DLG3: variants seen among roughly 807,000 people sequenced by gnomAD.
The protein encoded by DLG3 is discs large MAGUK scaffold protein 3.
A neutral mutation model predicts 64.1 loss-of-function variants in DLG3; 1 was observed. The ratio of observed to expected loss-of-function variants is 0.02; its 90% CI spans 0.01 to 0.07. The LOEUF is 0.07. DLG3 is among the 10% of genes least tolerant of loss of function. The probability of loss-of-function intolerance (pLI) is 1.00; values close to 1 mark genes in which losing one functional copy is unlikely to be tolerated. For missense variants in DLG3, 429 were observed against 669.5 expected, an observed-to-expected ratio of 0.64 and a Z score of 3.96; for synonymous variants, 245 against 259.8, an observed-to-expected ratio of 0.94 and a Z score of 0.55.
chrX:70,490,897 A>G (rs1219308532), intron 10 of DLG3, among the ~76,000 whole-genome samples: 1 of 111,521 alleles, frequency 9.0e-6, no homozygotes, highest in Non-Finnish European at 1.9e-5. Flanking sequence ...CTGGATGTGA[A>G]AAGTAGAAAC....
In DLG3 at chrX:70,479,142, C is replaced by T. The variant is rs758586544; in HGVS notation, c.1406-8C>T. ...CTTTTCCCATCTTTTCCCTTGTTTC[C>T]GTGACAGAATACAGTCGCTTTGAAT... On this transcript the variant is annotated splice_polypyrimidine_tract_variant and splice_region_variant and intron_variant, in intron 9 of 18. Coordinates refer to ENST00000374360, the MANE Select transcript of DLG3 (RefSeq NM_021120.4). The T allele has an allele frequency of 1.8e-5, 21 of 1,194,003 alleles. No homozygotes were observed. In the East Asian group the frequency reaches 5.3e-4, roughly 30 times the overall value.
rs773478203 is a variant in DLG3, at chrX:70,451,794, GA to G, written c.986-70del. On this transcript the variant is annotated intron_variant, in intron 6 of 18. Transcript: ENST00000374360. ...TTTGCATCTGAAGTGGGGTGTGGGG[GA>G]AAGTCCTTGAGGAGTTTGGGGTACC... 4.4e-6 allele frequency: 5 copies of G among 1,146,350 alleles called. No individual in the cohort carries two copies. The East Asian group carries it at 1.5e-4, about 34-fold the overall frequency. The allele number at this position is 1,146,350 out of a possible 1,213,427, so 94.5% of individuals were successfully genotyped here.
Position 70,453,644 on chromosome X carries a change from C to T in DLG3, c.1153C>T (p.Arg385Cys), listed in dbSNP as rs2086653246. The T allele has an allele frequency of 8.3e-7, 1 of 1,207,411 alleles. No individual in the cohort carries two copies. Among genetic ancestry groups the T allele is most frequent in the Non-Finnish European group, 1.1e-6 (1 of 893,916 alleles). ...LAEEDFTREP[R>C]KIILHKGSTG... is the part of the protein sequence containing the mutation. ...CCACTCCTTTCCCACCAGAGAGCCTCGCAAGATCATCCTGCACAAAGGCTC... is the reference window on the plus strand; with the variant it reads ...CCACTCCTTTCCCACCAGAGAGCCTTGCAAGATCATCCTGCACAAAGGCTC... The change falls in exon 8 of 19, where the codon CGC becomes TGC. Residue 385 changes from arginine (R) to cysteine (C), a missense_variant. Arg to Cys is a radical substitution (Grantham distance 180). Transcript: ENST00000374360.
intron 13 of DLG3, 81 bp downstream of exon 13, chrX:70,495,534 G>A: frequency 2.1e-6 from 2 of 966,841 alleles, no homozygotes; most frequent in Non-Finnish European, 1.5e-6. Context: ...GGACATGGGT[G>A]AGGGTGAAGG....
intron 12 of DLG3, among the ~76,000 whole-genome samples, chrX:70,494,562 A>G (rs1011684656): frequency 8.9e-6 from 1 of 112,126 alleles, no homozygotes; most frequent in Admixed American, 9.4e-5. Flanking sequence ...GAGTAGTTCA[A>G]TGAGAAGCCA....
intron 1 of DLG3, among the ~76,000 whole-genome samples, chrX:70,446,052 G>A (rs757076497): frequency 9.0e-6 from 1 of 110,919 alleles, no homozygotes; most frequent in African/African-American, 3.3e-5. Context: ...CCGGCTCGCT[G>A]AGCTTCATCC....
chrX:70,496,184 G>A (rs1413191501), intron 13 of DLG3, among the ~76,000 whole-genome samples: 3 of 112,382 alleles, frequency 2.7e-5, no homozygotes, highest in Non-Finnish European at 5.6e-5. Flanking sequence ...ACACCAAATG[G>A]GTTCTATCAG....
At chrX:70,460,282 C>CAAAA (rs1221573255) in intron 9 of DLG3, among the ~76,000 whole-genome samples, 1 of 38,435 alleles carries the variant, frequency 2.6e-5, no homozygotes, top group Non-Finnish European at 5.8e-5. Context: ...GACTCTGTCT[C>CAAAA]AAAAAAAAAA....
intron 1 of DLG3, among the ~76,000 whole-genome samples, chrX:70,445,829 G>GT (rs2086561150): frequency 2.1e-5 from 2 of 96,687 alleles, no homozygotes; most frequent in Admixed American, 2.3e-4. Context: ...GGGGAATTGG[G>GT]TTTGTCTCAG....
intron 9 of DLG3, among the ~76,000 whole-genome samples, chrX:70,474,334 T>A (rs187578232): frequency 1.8e-4 from 20 of 109,456 alleles, no homozygotes; most frequent in Admixed American, 1.8e-3. Flanking sequence ...AGAGAAGAGA[T>A]AATAAAATAG....
intron 8 of DLG3, 115 bp from the exon 9 acceptor site, chrX:70,454,099 G>A: frequency 1.6e-6 from 1 of 617,209 alleles, no homozygotes; most frequent in East Asian, 3.5e-5. Context: ...GGAATATTGG[G>A]AAAGGCATCT....
rs2086605399 is a variant in DLG3, at chrX:70,450,358, C to T, written c.840+53C>T. ...AATGGTAGGGTAGGGAGGAGGAGCT[C>T]CAGTACCCCTTACTCCGCCTAAACC... On this transcript the variant is annotated intron_variant, in intron 5 of 18. Coordinates refer to ENST00000374360, the MANE Select transcript of DLG3 (RefSeq NM_021120.4). The T allele has an allele frequency of 3.5e-6, 4 of 1,145,433 alleles. No homozygotes were observed. In the East Asian group the frequency reaches 1.3e-4, roughly 37 times the overall value. 94.4% of individuals were successfully genotyped at this position (1,145,433 alleles called of 1,213,427 possible). A position where few individuals can be genotyped will look rare whatever the true frequency, so the allele number is the denominator to read the frequency against.
chrX:70,455,752 A>C (rs2147783235), intron 9 of DLG3: 1 of 110,013 alleles, frequency 9.1e-6, no homozygotes, highest in South Asian at 3.9e-4. Context: ...ACCATTCCCG[A>C]CTTCTTTCGC....
intron 5 of DLG3, 74 bp downstream of exon 5, chrX:70,450,379 A>G: frequency 9.1e-7 from 1 of 1,101,225 alleles, no homozygotes; most frequent in Non-Finnish European, 1.2e-6. Context: ...TACTCCGCCT[A>G]AACCTCACTC....
At chrX:70,494,463 T>A (rs780462181) in intron 12 of DLG3, among the ~76,000 whole-genome samples, 1 of 111,929 alleles carries the variant, frequency 8.9e-6, no homozygotes, top group Non-Finnish European at 1.9e-5. Flanking sequence ...TCCACAGTCA[T>A]GGTATGTGTA....
chrX:70,453,218 A>T, intron 7 of DLG3: 1 of 172,595 alleles, frequency 5.8e-6, no homozygotes. Flanking sequence ...TGATGAGTGC[A>T]GTCAACCCCA....
intron 6 of DLG3, chrX:70,450,984 A>G: frequency 2.1e-6 from 1 of 486,432 alleles, no homozygotes; most frequent in Non-Finnish European, 3.4e-6. Context: ...GACTTGCCAT[A>G]GAGTCAGCAT....
At chrX:70,460,813 A>T (rs1007674090) in intron 9 of DLG3, among the ~76,000 whole-genome samples, 1 of 111,747 alleles carries the variant, frequency 8.9e-6, no homozygotes, top group Non-Finnish European at 1.9e-5. Flanking sequence ...CAATCTGGAC[A>T]TTGCATATAA....
intron 9 of DLG3, among the ~76,000 whole-genome samples, chrX:70,471,487 G>C (rs6625614): frequency 9.1e-6 from 1 of 110,119 alleles, no homozygotes; most frequent in Non-Finnish European, 1.9e-5. Context: ...CCGCCACCAC[G>C]CCCGGCTAAT....
Sources: gnomAD v4.1 joint callset for allele counts (sites outside exome capture counted in the v4.1 genomes callset) on GRCh38, gnomAD v4.1.1 for gene constraint, MANE v1.5 for transcripts, NCBI Gene and HGNC (gene_info 2026-07-23, HGNC 2026-07-21) for gene names.